Variants in CACNA1E observed in about 807,000 individuals in gnomAD.
The protein encoded by CACNA1E is voltage-dependent R-type calcium channel subunit alpha-1E.
A neutral mutation model predicts 259.2 loss-of-function variants in CACNA1E; 40 were observed. That is an observed-to-expected ratio of 0.15 (90% CI 0.12 to 0.20). The LOEUF (loss-of-function observed/expected upper bound fraction) is 0.20. Ranked by LOEUF, CACNA1E falls within the 10% of genes least tolerant of loss-of-function variation. The pLI is 1.00. For synonymous variants in CACNA1E, 1,104 were observed against 1,138.5 expected, an observed-to-expected ratio of 0.97 and a Z score of 0.61; for missense variants, 1,874 against 3,040.1, an observed-to-expected ratio of 0.62 and a Z score of 9.02.
chr1:181,804,952 T>A lies in CACNA1E; in HGVS notation c.*6118T>A, dbSNP rs1255132932. 6.6e-6 allele frequency: 1 copy of A among 150,624 alleles called. No individual in the cohort carries two copies. The highest frequency in any genetic ancestry group is 2.4e-5 in the African/African-American group (1 of 41,272). 9.3% of individuals were successfully genotyped at this position (150,624 alleles called of 1,614,324 possible). ...AAAAAAAAAAAACCTAGGCTTTTTT[T>A]TTTCTATCCAGAAAGTTGGGTTTTC... On this transcript the variant is annotated 3_prime_UTR_variant, in exon 48 of 48. Coordinates refer to ENST00000367573, the MANE Select transcript of CACNA1E (RefSeq NM_001205293.3).
At chr1:181,792,409 G>A (rs540196236) in intron 44 of CACNA1E, among the ~76,000 whole-genome samples, 364 of 152,294 alleles carry the variant, frequency 2.4e-3, no homozygotes, top group African/African-American at 7.9e-3. Context: ...GTCCCCAGGC[G>A]TGGCCATGAT....
chr1:181,685,745 G>T (rs909961908), intron 7 of CACNA1E, among the ~76,000 whole-genome samples: 8 of 152,112 alleles, frequency 5.3e-5, no homozygotes, highest in Admixed American at 5.2e-4. Flanking sequence ...CTCAAACTTT[G>T]TCTGGAAGAC....
chr1:181,588,196 T>C (rs908277442), intron 6 of CACNA1E, among the ~76,000 whole-genome samples: 1 of 152,204 alleles, frequency 6.6e-6, no homozygotes, highest in African/African-American at 2.4e-5. Flanking sequence ...TGGGGAACAT[T>C]TGGGGACTGA....
chr1:181,449,061 C>T (rs187960953), intron 2 of CACNA1E, among the ~76,000 whole-genome samples: 10 of 152,308 alleles, frequency 6.6e-5, no homozygotes, highest in African/African-American at 1.4e-4. Flanking sequence ...CAGATATGAG[C>T]GGCAAGTTTG....
chr1:181,694,371 G>T (rs1487108198), intron 7 of CACNA1E, among the ~76,000 whole-genome samples: 1 of 152,192 alleles, frequency 6.6e-6, no homozygotes, highest in Non-Finnish European at 1.5e-5. Flanking sequence ...AAATGGCATT[G>T]CTATTGTTTG....
Position 181,755,343 on chromosome 1 carries a change from A to T in CACNA1E, c.3935A>T (p.Lys1312Met), listed in dbSNP as rs1657995985. 1 of 1,613,842 alleles carries T rather than the reference A, an allele frequency of 6.2e-7. No individual in the cohort carries two copies. ...GCTGTCATCGCAGTTCAGCTCTTCA[A>T]GGGAAAGTTCTTTTATTGCACGGAC... ...IFAVIAVQLF[K>M]GKFFYCTDSS... The change falls in exon 28 of 48, where the codon AAG (lysine) becomes ATG (methionine). Residue 1312 changes from lysine (K) to methionine (M), a missense_variant. Around this residue, in one of 14 missense-constraint regions of CACNA1E, gnomAD observed 188 missense variants for 540.6 expected, o/e 0.35. Transcript: ENST00000367573.
rs980780940 is a variant in CACNA1E at position 181,663,200 on chromosome 1, G to A, written c.1055+11759G>A. On this transcript the variant is annotated intron_variant, in intron 7 of 47. Coordinates refer to ENST00000367573, the MANE Select transcript of CACNA1E (RefSeq NM_001205293.3). ...AAGATGTAATATTTATTGAAACCTT[G>A]TCATCTGCCCGATACCATGGTAAAT... Among the ~76,000 whole-genome samples the A allele has an allele frequency of 4.6e-5, 7 of 152,044 alleles. No individual in the cohort carries two copies. The East Asian group carries it at 1.2e-3, about 25-fold the overall frequency.
At position 181,433,821 on chromosome 1, in the gene CACNA1E, G is replaced by T. The variant is rs143305450; in HGVS notation, c.434+20241G>T. On this transcript the variant is annotated intron_variant, in intron 2 of 11. Coordinates refer to the CACNA1E transcript ENST00000524607. ...ATCATTTGTAATTGCTAATGGCTGA[G>T]GTTCAGGGAGAGATTTTGATAATAT... Among the ~76,000 whole-genome samples, 378 of 152,288 alleles carry T rather than the reference G, an allele frequency of 2.5e-3. 4 individuals carry two copies. The highest frequency in any genetic ancestry group is 8.4e-3 in the African/African-American group (350 of 41,550).
chr1:181,672,127 C>T (rs1434770224), intron 7 of CACNA1E, among the ~76,000 whole-genome samples: 4 of 152,122 alleles, frequency 2.6e-5, no homozygotes, highest in East Asian at 1.9e-4. Flanking sequence ...AGCAAACTAA[C>T]GCAGGAAGAG....
intron 6 of CACNA1E, among the ~76,000 whole-genome samples, chr1:181,640,971 CAT>C (rs1657693418): frequency 6.6e-6 from 1 of 152,130 alleles, no homozygotes; most frequent in South Asian, 2.1e-4. Context: ...AGACAGAACA[CAT>C]ATAAAGAAGG....
At chr1:181,391,758 A>G (rs1656294896) in intron 1 of CACNA1E, among the ~76,000 whole-genome samples, 1 of 152,174 alleles carries the variant, frequency 6.6e-6, no homozygotes, top group Admixed American at 6.5e-5. Flanking sequence ...GTGGTGCAGT[A>G]AATTTCAGGC....
At chr1:181,724,575 T>G in intron 17 of CACNA1E, 38 bp downstream of exon 17, 1 of 1,532,278 alleles carries the variant, frequency 6.5e-7, no homozygotes, top group South Asian at 1.2e-5. Context: ...GTTTCTCTAG[T>G]GCCATTGGGT....
intron 1 of CACNA1E, among the ~76,000 whole-genome samples, chr1:181,376,996 A>T (rs1655143931): frequency 6.6e-6 from 1 of 152,170 alleles, no homozygotes; most frequent in African/African-American, 2.4e-5. Context: ...AGTTTACTGT[A>T]TGGTCCCTTA....
intron 32 of CACNA1E, among the ~76,000 whole-genome samples, chr1:181,760,580 G>T (rs981862982): frequency 1.3e-5 from 2 of 152,152 alleles, no homozygotes; most frequent in Non-Finnish European, 2.9e-5. Flanking sequence ...AGAAAAAGAG[G>T]GAAAGATGTA....
chr1:181,605,978 G>A (rs1016006204), intron 6 of CACNA1E, among the ~76,000 whole-genome samples: 1 of 152,068 alleles, frequency 6.6e-6, no homozygotes, highest in Admixed American at 6.6e-5. Context: ...ATCTCTCAGT[G>A]GCATTCAACA....
At chr1:181,640,698 C>T (rs1295649617) in intron 6 of CACNA1E, among the ~76,000 whole-genome samples, 1 of 152,150 alleles carries the variant, frequency 6.6e-6, no homozygotes, top group Non-Finnish European at 1.5e-5. Flanking sequence ...TTTGAGTGAG[C>T]TAAGTGTACT....
intron 2 of CACNA1E, among the ~76,000 whole-genome samples, chr1:181,471,329 A>T (rs1340518899): frequency 6.6e-6 from 1 of 152,230 alleles, no homozygotes; most frequent in African/African-American, 2.4e-5. Flanking sequence ...GGCATTTGGC[A>T]GGCCCAGGCT....
chr1:181,676,585 A>T (rs1316891600), intron 7 of CACNA1E, among the ~76,000 whole-genome samples: 1 of 152,142 alleles, frequency 6.6e-6, no homozygotes, highest in African/African-American at 2.4e-5. Context: ...ATGTTGAATG[A>T]ATGAGTGCTT....
intron 7 of CACNA1E, among the ~76,000 whole-genome samples, chr1:181,683,873 G>A (rs1344257947): frequency 2.0e-5 from 3 of 152,108 alleles, no homozygotes; most frequent in Non-Finnish European, 4.4e-5. Context: ...TGTCTTTCCT[G>A]TTGTAAATAG....
Sources: allele counts gnomAD v4.1 joint callset (sites outside exome capture counted in the v4.1 genomes callset), GRCh38; gene constraint gnomAD v4.1.1; regional missense constraint gnomAD v4.1.1; transcripts MANE v1.5; gene names NCBI Gene and HGNC (gene_info 2026-07-23, HGNC 2026-07-21).